Variants in FOXN3 observed in about 807,000 individuals in gnomAD.
The protein encoded by FOXN3 is forkhead box protein N3.
In FOXN3, 7 loss-of-function variants were observed where a neutral mutation model predicts 38.4. The observed-to-expected ratio is 0.18, with a 90% CI of 0.10 to 0.34. The LOEUF (loss-of-function observed/expected upper bound fraction) is 0.34, where lower values mean the gene tolerates loss of function less well. Among genes scored for constraint, FOXN3 ranks in the 10% least tolerant of loss-of-function variants. The pLI is 1.00. For missense variants in FOXN3, 456 were observed against 613.4 expected, an observed-to-expected ratio of 0.74 and a Z score of 2.71; for synonymous variants, 230 against 242.2, an observed-to-expected ratio of 0.95 and a Z score of 0.47.
intron 1 of FOXN3, among the ~76,000 whole-genome samples, chr14:89,467,553 T>TTAA (rs1555355551): frequency 7.0e-6 from 1 of 142,472 alleles, no homozygotes; most frequent in African/African-American, 2.6e-5. Flanking sequence ...ACATGCCCTT[T>TTAA]AAAAAAAAAA....
intron 3 of FOXN3, among the ~76,000 whole-genome samples, chr14:89,333,421 A>AG (rs1331516941): frequency 1.4e-5 from 2 of 143,222 alleles, no homozygotes; most frequent in African/African-American, 5.0e-5. Flanking sequence ...CCGTCTCAAA[A>AG]GAAAAAAAAA....
chr14:89,459,056 T>C (rs571420822), intron 1 of FOXN3, among the ~76,000 whole-genome samples: 1 of 152,210 alleles, frequency 6.6e-6, no homozygotes, highest in Non-Finnish European at 1.5e-5. Flanking sequence ...ATCTCAACAC[T>C]TTGGTCTGTG....
intron 2 of FOXN3, among the ~76,000 whole-genome samples, chr14:89,381,701 A>C (rs1186496622): frequency 6.6e-6 from 1 of 152,042 alleles, no homozygotes; most frequent in African/African-American, 2.4e-5. Flanking sequence ...CTATGAAAAA[A>C]TTAAAAAAAT....
At chr14:89,360,739 G>GCACTACCTCCAC (rs1889474714) in intron 2 of FOXN3, among the ~76,000 whole-genome samples, 3 of 64,964 alleles carry the variant, frequency 4.6e-5, no homozygotes, top group African/African-American at 7.0e-5. Context: ...ACCACCTCCA[G>GCACTACCTCCAC]CACCACCTCC....
At chr14:89,169,384 T>C (rs918199208) in intron 5 of FOXN3, among the ~76,000 whole-genome samples, 9 of 152,124 alleles carry the variant, frequency 5.9e-5, no homozygotes, top group African/African-American at 2.2e-4. Flanking sequence ...GAGGCTGCAG[T>C]GAGCTGTGTT....
intron 1 of FOXN3, among the ~76,000 whole-genome samples, chr14:89,503,759 G>C (rs569650123): frequency 2.0e-4 from 30 of 152,288 alleles, no homozygotes; most frequent in African/African-American, 7.0e-4. Context: ...GCTCTGTTTG[G>C]TCACTGGTGA....
chr14:89,443,663 C>T (rs1185311508), intron 1 of FOXN3, among the ~76,000 whole-genome samples: 1 of 152,050 alleles, frequency 6.6e-6, no homozygotes, highest in Non-Finnish European at 1.5e-5. Context: ...AGAAATGGAC[C>T]AATTCATCTG....
chr14:89,555,141 A>G (rs1002914905), intron 1 of FOXN3, among the ~76,000 whole-genome samples: 1 of 151,878 alleles, frequency 6.6e-6, no homozygotes, highest in Non-Finnish European at 1.5e-5. Flanking sequence ...TTTTTTGTAC[A>G]CTGTTCTGCA....
intron 2 of FOXN3, among the ~76,000 whole-genome samples, chr14:89,370,466 G>A (rs1443729698): frequency 2.0e-5 from 3 of 152,162 alleles, no homozygotes; most frequent in South Asian, 2.1e-4. Context: ...GGGTTCCCAC[G>A]GCTGCACAAA....
chr14:89,585,038 A>G (rs571106378), intron 1 of FOXN3, among the ~76,000 whole-genome samples: 14 of 152,236 alleles, frequency 9.2e-5, no homozygotes, highest in African/African-American at 3.4e-4. Flanking sequence ...CAAATTGTCC[A>G]TTTTTTATTG....
chr14:89,519,240 G>A (rs1404029531), intron 1 of FOXN3, among the ~76,000 whole-genome samples: 1 of 152,128 alleles, frequency 6.6e-6, no homozygotes, highest in Admixed American at 6.5e-5. Flanking sequence ...GAAGGAAACC[G>A]CATTTTCATT....
intron 2 of FOXN3, among the ~76,000 whole-genome samples, chr14:89,352,926 C>G (rs1396248080): frequency 6.6e-6 from 1 of 152,180 alleles, no homozygotes; most frequent in African/African-American, 2.4e-5. Flanking sequence ...GAGCCAGAAG[C>G]TGCAGCGAGC....
chr14:89,275,155 C>T (rs975763052), intron 4 of FOXN3, among the ~76,000 whole-genome samples: 1 of 152,176 alleles, frequency 6.6e-6, no homozygotes, highest in African/African-American at 2.4e-5. Context: ...GGTTCACTTC[C>T]AGGTTGTCCA....
At chr14:89,598,685 T>C (rs1896104075) in intron 1 of FOXN3, among the ~76,000 whole-genome samples, 1 of 152,252 alleles carries the variant, frequency 6.6e-6, no homozygotes, top group Non-Finnish European at 1.5e-5. Flanking sequence ...AATTTGAAGA[T>C]AGCATTCCAC....
At chr14:89,436,551 A>T (rs1363857183) in intron 1 of FOXN3, among the ~76,000 whole-genome samples, 3 of 152,182 alleles carry the variant, frequency 2.0e-5, no homozygotes, top group Non-Finnish European at 4.4e-5. Context: ...CGTCTGCGCC[A>T]GAGGCATGGG....
intron 2 of FOXN3, among the ~76,000 whole-genome samples, chr14:89,406,019 C>T (rs7156462): frequency 0.87 from 131,758 of 152,082 alleles, 57,326 homozygotes; most frequent in East Asian, 0.97. Flanking sequence ...TATATTATTT[C>T]TGGAGACAGG....
chr14:89,382,968 C>T (rs1259170483), intron 2 of FOXN3, among the ~76,000 whole-genome samples: 2 of 149,418 alleles, frequency 1.3e-5, no homozygotes, highest in African/African-American at 4.9e-5. Flanking sequence ...ACCATTCCCT[C>T]GATACTCTAT....
chr14:89,416,718 G>T (rs1204006087), intron 1 of FOXN3, among the ~76,000 whole-genome samples, 153 bp downstream of exon 1: 4 of 151,946 alleles, frequency 2.6e-5, no homozygotes, highest in Non-Finnish European at 5.9e-5. Flanking sequence ...GGGGGCTCCC[G>T]GGGTCCACAC....
intron 3 of FOXN3, among the ~76,000 whole-genome samples, chr14:89,327,614 G>A (rs528487345): frequency 6.6e-6 from 1 of 152,190 alleles, no homozygotes; most frequent in East Asian, 1.9e-4. Flanking sequence ...GGAACTTCAG[G>A]GCAAGACATC....
Sources: allele counts gnomAD v4.1 joint callset (sites outside exome capture counted in the v4.1 genomes callset), GRCh38; gene constraint gnomAD v4.1.1; transcripts MANE v1.5; gene names NCBI Gene and HGNC (gene_info 2026-07-23, HGNC 2026-07-21).